Variants in CAP1 observed in about 807,000 individuals in gnomAD.
The protein encoded by CAP1 is cyclase associated actin cytoskeleton regulatory protein 1, also known as adenylyl cyclase-associated protein 1.
CAP1 carries 11 observed loss-of-function variants against 58.2 expected under a neutral mutation model. The ratio of observed to expected loss-of-function variants is 0.19; its 90% CI spans 0.12 to 0.31. The LOEUF (loss-of-function observed/expected upper bound fraction) is 0.31. Among genes scored for constraint, CAP1 ranks in the 10% least tolerant of loss-of-function variants. The pLI, the probability that CAP1 is intolerant of heterozygous loss-of-function variation, is 1.00. For missense variants in CAP1, 423 were observed against 587.5 expected (o/e 0.72, Z 2.89); for synonymous variants, 183 against 213.8 (o/e 0.86, Z 1.26).
chr1:40,071,574 G>C lies in CAP1; in HGVS notation c.*41G>C, dbSNP rs1397289157. 8.0e-7 allele frequency: 1 copy of C among 1,251,952 alleles called. No homozygotes were observed. The highest frequency in any genetic ancestry group is 1.7e-5 in the Admixed American group (1 of 57,914). 77.6% of individuals were successfully genotyped at this position (1,251,952 alleles called of 1,614,324 possible). ...GTTCTTTGCCCTCCCTTCACACCAT[G>C]GGATAAATCTGTATCAAGACGGTTC... On this transcript the variant is annotated 3_prime_UTR_variant, in exon 13 of 13. Coordinates refer to ENST00000372805, the MANE Select transcript of CAP1 (RefSeq NM_006367.4).
At chr1:40,070,369 C>G in intron 10 of CAP1, 61 bp from the exon 11 acceptor site, 1 of 1,595,328 alleles carries the variant, frequency 6.3e-7, no homozygotes, top group Non-Finnish European at 8.5e-7. Flanking sequence ...CTTAAAGATT[C>G]CTAAATGTAT....
At chr1:40,050,534 C>T (rs1646314250) in intron 1 of CAP1, among the ~76,000 whole-genome samples, 1 of 151,372 alleles carries the variant, frequency 6.6e-6, no homozygotes, top group Admixed American at 6.6e-5. Flanking sequence ...TGGTGCATGC[C>T]TGTAGTTCCA....
chr1:40,054,541 G>A (rs1367253881), intron 1 of CAP1, among the ~76,000 whole-genome samples: 4 of 152,174 alleles, frequency 2.6e-5, no homozygotes, highest in Non-Finnish European at 4.4e-5. Flanking sequence ...GCCTTAGGGT[G>A]GCTAGTTGCC....
At chr1:40,061,096 A>T (rs1646829129) in intron 3 of CAP1, among the ~76,000 whole-genome samples, 1 of 152,020 alleles carries the variant, frequency 6.6e-6, no homozygotes, top group African/African-American at 2.4e-5. Flanking sequence ...AGAAAGAAAG[A>T]ACATATTCGT....
intron 1 of CAP1, chr1:40,041,509 C>T (rs777395139): frequency 2.6e-5 from 4 of 152,202 alleles, no homozygotes; most frequent in Non-Finnish European, 5.9e-5. Flanking sequence ...TACTTCTGGA[C>T]CTGAAATCAG....
At chr1:40,067,508 G>A in intron 7 of CAP1, 32 bp from the exon 8 acceptor site, 5 of 1,575,936 alleles carry the variant, frequency 3.2e-6, no homozygotes, top group Non-Finnish European at 4.3e-6. Flanking sequence ...GAGCAGAGAG[G>A]ATGATGATGT....
chr1:40,070,769 CT>C, intron 11 of CAP1, 66 bp from the exon 12 acceptor site: 3 of 1,433,132 alleles, frequency 2.1e-6, no homozygotes, highest in South Asian at 1.3e-5. Flanking sequence ...AACAGGAAAC[CT>C]TTTCCTGCGA....
intron 1 of CAP1, among the ~76,000 whole-genome samples, chr1:40,049,178 ATTTTTTTTTTT>A (rs72214452): frequency 3.5e-5 from 3 of 84,880 alleles, no homozygotes; most frequent in East Asian, 4.6e-4. Flanking sequence ...GCCATTTCTA[ATTTTTTTTTTT>A]TTTTTTTTTT....
At chr1:40,051,672 T>G (rs1646376558) in intron 1 of CAP1, among the ~76,000 whole-genome samples, 1 of 152,084 alleles carries the variant, frequency 6.6e-6, no homozygotes, top group Non-Finnish European at 1.5e-5. Context: ...GCCTCCCGGG[T>G]TCATGCCATT....
intron 1 of CAP1, among the ~76,000 whole-genome samples, chr1:40,041,883 G>A (rs1645849111): frequency 6.6e-6 from 1 of 152,174 alleles, no homozygotes; most frequent in South Asian, 2.1e-4. Flanking sequence ...GAATTTTGAA[G>A]GATAAATAGG....
intron 1 of CAP1, among the ~76,000 whole-genome samples, chr1:40,057,124 C>G (rs1234453323): frequency 6.6e-6 from 1 of 152,204 alleles, no homozygotes; most frequent in Non-Finnish European, 1.5e-5. Flanking sequence ...GGTAAATGTT[C>G]ACAAACTCTG....
chr1:40,041,340 AC>A (rs1028158796), intron 1 of CAP1: 26 of 151,434 alleles, frequency 1.7e-4, no homozygotes, highest in African/African-American at 5.8e-4. Flanking sequence ...GCTGCGTGGA[AC>A]TTTTTTTTTT....
At chr1:40,065,543 A>G (rs1022824822) in intron 6 of CAP1, among the ~76,000 whole-genome samples, 1 of 152,224 alleles carries the variant, frequency 6.6e-6, no homozygotes, top group African/African-American at 2.4e-5. Context: ...ATTAAGCATG[A>G]CAGTGTTTTG....
intron 1 of CAP1, among the ~76,000 whole-genome samples, chr1:40,049,899 A>G (rs1277803413): frequency 6.6e-6 from 1 of 152,180 alleles, no homozygotes; most frequent in East Asian, 1.9e-4. Context: ...AGTCAGTACC[A>G]TACAGTTAGT....
intron 7 of CAP1, 87 bp downstream of exon 7, chr1:40,066,407 C>T: frequency 1.5e-6 from 1 of 673,624 alleles, no homozygotes; most frequent in Non-Finnish European, 2.7e-6. Context: ...TTCAGCACTA[C>T]CAAAGTCTGT....
chr1:40,042,511 G>T (rs770775124), intron 1 of CAP1, among the ~76,000 whole-genome samples: 5 of 152,198 alleles, frequency 3.3e-5, no homozygotes, highest in Non-Finnish European at 5.9e-5. Context: ...AGACCATGAC[G>T]AGTTCAGTGT....
chr1:40,043,448 G>A (rs981328216), intron 1 of CAP1, among the ~76,000 whole-genome samples: 8 of 152,020 alleles, frequency 5.3e-5, no homozygotes, highest in African/African-American at 1.9e-4. Context: ...CGCCTGCCTC[G>A]CCCTCCCAAA....
chr1:40,053,212 G>T (rs1477641476), intron 1 of CAP1, among the ~76,000 whole-genome samples: 1 of 152,212 alleles, frequency 6.6e-6, no homozygotes, highest in East Asian at 1.9e-4. Flanking sequence ...GTGACAGAGG[G>T]AGACTCCATC....
intron 1 of CAP1, among the ~76,000 whole-genome samples, chr1:40,053,533 C>A (rs1412938199): frequency 6.6e-6 from 1 of 152,034 alleles, no homozygotes; most frequent in Non-Finnish European, 1.5e-5. Context: ...TCACTGCAAT[C>A]TCCGCCTCCC....
Sources: allele counts gnomAD v4.1 joint callset (sites outside exome capture counted in the v4.1 genomes callset), GRCh38; gene constraint gnomAD v4.1.1; transcripts MANE v1.5; gene names NCBI Gene and HGNC (gene_info 2026-07-23, HGNC 2026-07-21).